The following RBFOX1 variants were observed in gnomAD, a reference collection of about 807,000 sequenced individuals.
The protein encoded by RBFOX1 is RNA binding fox-1 homolog 1.
RBFOX1 carries 8 observed loss-of-function variants against 57.7 expected under a neutral mutation model. That is an observed-to-expected ratio of 0.14 (90% CI 0.08 to 0.25). The LOEUF (loss-of-function observed/expected upper bound fraction) is 0.25, where lower values mean the gene tolerates loss of function less well. Among genes scored for constraint, RBFOX1 ranks in the 10% least tolerant of loss-of-function variants. RBFOX1 has a pLI of 1.00. For synonymous variants in RBFOX1, 326 were observed against 222.4 expected (o/e 1.47, Z -4.15); for missense variants, 611 against 548.5 (o/e 1.11, Z -1.14).
At chr16:7,638,832 T>C (rs1005459369) in intron 11 of RBFOX1, among the ~76,000 whole-genome samples, 3 of 152,098 alleles carry the variant, frequency 2.0e-5, no homozygotes, top group African/African-American at 7.2e-5. Context: ...CCAAGCGCCA[T>C]AGTTTACCCA....
chr16:6,054,133 T>A (rs1448282138), intron 1 of RBFOX1, among the ~76,000 whole-genome samples: 2 of 152,186 alleles, frequency 1.3e-5, no homozygotes, highest in African/African-American at 4.8e-5. Context: ...AACTGTCAGT[T>A]TGAAGCAGTG....
intron 4 of RBFOX1, among the ~76,000 whole-genome samples, chr16:5,984,610 G>T (rs921960909): frequency 1.3e-5 from 2 of 152,040 alleles, no homozygotes; most frequent in Non-Finnish European, 2.9e-5. Context: ...CTTACCATGG[G>T]TCTGCACAGG....
At chr16:5,512,828 T>C (rs2043652775) in intron 2 of RBFOX1, among the ~76,000 whole-genome samples, 1 of 152,216 alleles carries the variant, frequency 6.6e-6, no homozygotes, top group Admixed American at 6.5e-5. Context: ...GCCTCATGTC[T>C]GCTTTCTGTT....
intron 3 of RBFOX1, among the ~76,000 whole-genome samples, chr16:7,019,167 A>G (rs2094077820): frequency 6.6e-6 from 1 of 152,036 alleles, no homozygotes; most frequent in Non-Finnish European, 1.5e-5. Context: ...TAATATTTCT[A>G]AAATTTTTTA....
rs114091103 is a variant in RBFOX1, at chr16:6,799,924, A to T, written c.-16+145274A>T. On this transcript the variant is annotated intron_variant, in intron 3 of 15. Transcript: ENST00000550418. ...TTGCTCTTCAGTTTGCAGATGGCTTATAGTGAGACTTCGTCTTGTGATGAT... is the reference window on the plus strand; with the variant it reads ...TTGCTCTTCAGTTTGCAGATGGCTTTTAGTGAGACTTCGTCTTGTGATGAT... 6.1e-3 allele frequency among the ~76,000 whole-genome samples: 925 copies of T among 152,252 alleles called. 21 individuals are homozygous for T. The highest frequency in any genetic ancestry group is 0.022 in the African/African-American group (896 of 41,558).
At chr16:6,399,633 G>T (rs866480458) in intron 2 of RBFOX1, among the ~76,000 whole-genome samples, 2 of 152,176 alleles carry the variant, frequency 1.3e-5, no homozygotes, top group Non-Finnish European at 2.9e-5. Context: ...TCCAACCTCT[G>T]CCTGTTACCC....
chr16:6,356,827 T>C (rs1396763424), intron 2 of RBFOX1, among the ~76,000 whole-genome samples: 1 of 152,204 alleles, frequency 6.6e-6, no homozygotes, highest in African/African-American at 2.4e-5. Context: ...CAATCAAAGA[T>C]GTTAATACTA....
At chr16:6,472,273 C>T (rs186243875) in intron 2 of RBFOX1, among the ~76,000 whole-genome samples, 22 of 152,278 alleles carry the variant, frequency 1.4e-4, no homozygotes, top group African/African-American at 5.1e-4. Flanking sequence ...TCTAAGAAAC[C>T]CTGCAGCGTT....
rs1428171071 is a variant in RBFOX1, at chr16:7,662,043, GT to G, written c.891-2883del. Reference sequence around the variant, plus strand: ...CTTGTCTTAATGAAAGAAGGGATCAGTTTCTTGGCCAGAGCTCAGCCTCAGC... The same window carrying G: ...CTTGTCTTAATGAAAGAAGGGATCAGTTCTTGGCCAGAGCTCAGCCTCAGC... On this transcript the variant is annotated intron_variant, in intron 12 of 15. Coordinates refer to ENST00000550418, the MANE Select transcript of RBFOX1 (RefSeq NM_018723.4). 5.3e-5 allele frequency among the ~76,000 whole-genome samples: 8 copies of G among 152,146 alleles called. No individual in the cohort carries two copies. In the East Asian group the frequency reaches 1.5e-3, roughly 29 times the overall value.
chr16:6,793,066 C>T (rs964200337), intron 3 of RBFOX1, among the ~76,000 whole-genome samples: 1 of 151,608 alleles, frequency 6.6e-6, no homozygotes, highest in African/African-American at 2.4e-5. Context: ...TGCTGTACAT[C>T]TGTTAGCCAC....
chr16:5,978,766 G>A (rs895993861), intron 4 of RBFOX1, among the ~76,000 whole-genome samples: 1 of 151,680 alleles, frequency 6.6e-6, no homozygotes, highest in Admixed American at 6.6e-5. Flanking sequence ...TCTGGGTTTG[G>A]CTGATGTGTT....
At chr16:7,137,821 A>C (rs1441215652) in intron 4 of RBFOX1, among the ~76,000 whole-genome samples, 1 of 152,242 alleles carries the variant, frequency 6.6e-6, no homozygotes, top group Admixed American at 6.5e-5. Flanking sequence ...GTTCATCTGC[A>C]AATGTATGTG....
chr16:6,861,573 C>T (rs1050315722), intron 3 of RBFOX1, among the ~76,000 whole-genome samples: 1 of 146,430 alleles, frequency 6.8e-6, no homozygotes, highest in Admixed American at 7.2e-5. Context: ...ATCTTAGGCT[C>T]TCATTTCATA....
chr16:5,526,114 C>G (rs551361296), intron 2 of RBFOX1, among the ~76,000 whole-genome samples: 3 of 152,202 alleles, frequency 2.0e-5, no homozygotes, highest in African/African-American at 7.2e-5. Flanking sequence ...TTCTCAGCCT[C>G]CTTGGCTGCT....
chr16:6,304,363 A>C (rs961750373), intron 1 of RBFOX1, among the ~76,000 whole-genome samples: 1 of 152,150 alleles, frequency 6.6e-6, no homozygotes, highest in Middle Eastern at 3.4e-3. Flanking sequence ...TGGCTCTATA[A>C]ATCTGTCTGC....
chr16:7,025,807 C>G (rs1185452888), intron 3 of RBFOX1, among the ~76,000 whole-genome samples: 1 of 152,100 alleles, frequency 6.6e-6, no homozygotes, highest in Non-Finnish European at 1.5e-5. Context: ...TGCAGGGATT[C>G]AAACTGGAGC....
In RBFOX1 at chr16:7,437,315, T is replaced by A. The variant is rs193229288; in HGVS notation, c.28-80832T>A. 2.7e-5 allele frequency among the ~76,000 whole-genome samples: 4 copies of A among 150,708 alleles called. No individual in the cohort carries two copies. The Admixed American group carries it at 2.7e-4, about 10-fold the overall frequency. On this transcript the variant is annotated intron_variant, in intron 4 of 15. Transcript: ENST00000550418. ...TTCTCCAAACAGGCAGCTCCCACTT[T>A]GAGGGTGGGGGAGGAGTACTTGTCC...
chr16:6,444,031 A>G (rs1467298050), intron 2 of RBFOX1, among the ~76,000 whole-genome samples: 1 of 152,204 alleles, frequency 6.6e-6, no homozygotes, highest in African/African-American at 2.4e-5. Flanking sequence ...CAGATATTGT[A>G]TAATGTAGTG....
At chr16:6,735,816 G>A (rs1302464113) in intron 3 of RBFOX1, among the ~76,000 whole-genome samples, 1 of 152,136 alleles carries the variant, frequency 6.6e-6, no homozygotes, top group Non-Finnish European at 1.5e-5. Context: ...ACAGACATGA[G>A]GAAATGAATC....
Sources: gnomAD v4.1 joint callset for allele counts (sites outside exome capture counted in the v4.1 genomes callset) on GRCh38, gnomAD v4.1.1 for gene constraint, MANE v1.5 for transcripts, NCBI Gene and HGNC (gene_info 2026-07-23, HGNC 2026-07-21) for gene names.